The following AKAP7 variants were observed in gnomAD, a reference collection of about 807,000 sequenced individuals.
The protein encoded by AKAP7 is A-kinase anchoring protein 7.
AKAP7 carries 39 observed loss-of-function variants against 39.5 expected under a neutral mutation model. That is an observed-to-expected ratio of 0.99 (90% CI 0.76 to 1.29). The LOEUF (loss-of-function observed/expected upper bound fraction) is 1.29. Ranked by LOEUF, AKAP7 falls within the 50% of genes most tolerant of loss-of-function variation. The pLI is 0.00. For synonymous variants in AKAP7, 140 were observed against 139.1 expected, an observed-to-expected ratio of 1.01 and a Z score of -0.05; for missense variants, 414 against 407.7, an observed-to-expected ratio of 1.02 and a Z score of -0.13.
At chr6:131,213,035 T>C (rs886944636) in intron 6 of AKAP7, among the ~76,000 whole-genome samples, 2 of 152,246 alleles carry the variant, frequency 1.3e-5, no homozygotes, top group Non-Finnish European at 2.9e-5. Flanking sequence ...GGTACAGTTA[T>C]GTCTGAAGTT....
chr6:131,200,750 G>C (rs1807475191), intron 6 of AKAP7: 1 of 152,134 alleles, frequency 6.6e-6, no homozygotes, highest in Non-Finnish European at 1.5e-5. Context: ...AATAATTGGT[G>C]TAAATGATAG....
intron 3 of AKAP7, among the ~76,000 whole-genome samples, chr6:131,162,975 G>T (rs1430146312): frequency 6.6e-6 from 1 of 151,258 alleles, no homozygotes; most frequent in East Asian, 2.0e-4. Flanking sequence ...TCAAGAGTAG[G>T]TGCGCACACA....
intron 6 of AKAP7, among the ~76,000 whole-genome samples, chr6:131,218,448 G>A (rs1450833214): frequency 6.8e-6 from 1 of 147,982 alleles, no homozygotes; most frequent in East Asian, 1.9e-4. Context: ...CTTTGTGTTG[G>A]CAAGGAAAAA....
chr6:131,250,726 A>G, intron 7 of AKAP7: 1 of 1,095,090 alleles, frequency 9.1e-7, no homozygotes. Context: ...CAGACTAATC[A>G]GCTATGGTTT....
chr6:131,250,405 C>A, intron 7 of AKAP7: 1 of 1,452,656 alleles, frequency 6.9e-7, no homozygotes. Context: ...TTCCCTTCTC[C>A]TTTCTCTCCC....
rs368168422 is a variant in AKAP7 at position 131,161,878 on chromosome 6, T to C, written c.291+1680T>C. On this transcript the variant is annotated intron_variant, in intron 3 of 7. Coordinates refer to ENST00000431975, the MANE Select transcript of AKAP7 (RefSeq NM_016377.4). ...CATGAGCAGCCAGACAGAAGCCAGG[T>C]CCTAAGGACACTGAATGTCAGACAG... Among the ~76,000 whole-genome samples the C allele has an allele frequency of 9.2e-5, 14 of 152,078 alleles. No homozygotes were observed. In the South Asian group the frequency reaches 2.1e-3, roughly 23 times the overall value.
chr6:131,231,423 T>C (rs2128305918), intron 7 of AKAP7, among the ~76,000 whole-genome samples: 1 of 152,272 alleles, frequency 6.6e-6, no homozygotes, highest in South Asian at 2.1e-4. Context: ...CATCTCTACT[T>C]AGACCGATTA....
At chr6:131,161,347 T>C (rs1802925566) in intron 3 of AKAP7, among the ~76,000 whole-genome samples, 1 of 151,954 alleles carries the variant, frequency 6.6e-6, no homozygotes, top group South Asian at 2.1e-4. Context: ...GAATACTTTT[T>C]AAAAGTCCTA....
intron 7 of AKAP7, among the ~76,000 whole-genome samples, chr6:131,271,927 T>A (rs1255042257): frequency 6.6e-6 from 1 of 152,220 alleles, no homozygotes; most frequent in Non-Finnish European, 1.5e-5. Context: ...CTAAATTAAA[T>A]TACATATAGT....
intron 6 of AKAP7, chr6:131,199,842 C>G: frequency 2.5e-6 from 1 of 403,444 alleles, no homozygotes; most frequent in South Asian, 2.8e-5. Context: ...CCTGCTTCAT[C>G]CCCTGAAGAG....
At chr6:131,129,381 A>C in the AKAP7 span, among the ~76,000 whole-genome samples, 1 of 152,184 alleles carries the variant, frequency 6.6e-6, no homozygotes, top group Admixed American at 6.5e-5. Context: ...GTAAAAGACA[A>C]AAGTAGCTTA....
At chr6:131,230,010 G>T (rs115346328) in intron 7 of AKAP7, among the ~76,000 whole-genome samples, 89 of 152,276 alleles carry the variant, frequency 5.8e-4, no homozygotes, top group African/African-American at 2.1e-3. Context: ...TACCTAGGTT[G>T]ATTCCATGTC....
rs531871282 is a variant in AKAP7 at position 131,143,751 on chromosome 6, T to A, written c.20-1534T>A. ...TGTAGCCATATTCTTTTTTTTTTTT[T>A]ATTTTTTATTTTTTATTTTTTATTT... On this transcript the variant is annotated intron_variant, in intron 1 of 7. Coordinates refer to ENST00000431975, the MANE Select transcript of AKAP7 (RefSeq NM_016377.4). Among the ~76,000 whole-genome samples, 638 of 146,040 alleles carry A rather than the reference T, an allele frequency of 4.4e-3. 1 individual carries two copies. The highest frequency in any genetic ancestry group is 8.0e-3 in the Non-Finnish European group (516 of 64,780).
intron 7 of AKAP7, among the ~76,000 whole-genome samples, chr6:131,269,066 T>A (rs1466744757): frequency 6.6e-6 from 1 of 151,900 alleles, no homozygotes; most frequent in Admixed American, 6.6e-5. Context: ...ACATACTACT[T>A]TTTTTTTGGA....
intron 1 of AKAP7, among the ~76,000 whole-genome samples, chr6:131,137,086 C>G (rs1382947501): frequency 6.6e-6 from 1 of 152,126 alleles, no homozygotes; most frequent in Non-Finnish European, 1.5e-5. Flanking sequence ...TTCAGCCTCC[C>G]CAAGTAGCGG....
At chr6:131,131,074 G>A (rs1232527328), upstream of AKAP7, among the ~76,000 whole-genome samples, 1 of 152,200 alleles carries the variant, frequency 6.6e-6, no homozygotes, top group African/African-American at 2.4e-5. Context: ...AAGGGTTGTG[G>A]GAGCTGAGAG....
intron 6 of AKAP7, among the ~76,000 whole-genome samples, chr6:131,203,226 A>G (rs1277382909): frequency 6.6e-6 from 1 of 152,188 alleles, no homozygotes; most frequent in African/African-American, 2.4e-5. Flanking sequence ...TTATTTGAAA[A>G]TATATGGTTC....
chr6:131,271,432 C>A (rs943755236), intron 7 of AKAP7, among the ~76,000 whole-genome samples: 19 of 151,964 alleles, frequency 1.3e-4, no homozygotes, highest in Admixed American at 6.6e-5. Flanking sequence ...ATGCCAATAC[C>A]ACACTGTCTC....
At chr6:131,155,420 T>A (rs1266313447) in intron 2 of AKAP7, among the ~76,000 whole-genome samples, 1 of 152,220 alleles carries the variant, frequency 6.6e-6, no homozygotes, top group Non-Finnish European at 1.5e-5. Context: ...TCAGGTCTTA[T>A]TACTCTAAAG....
Sources: gnomAD v4.1 joint callset for allele counts (sites outside exome capture counted in the v4.1 genomes callset) on GRCh38, gnomAD v4.1.1 for gene constraint, MANE v1.5 for transcripts, NCBI Gene and HGNC (gene_info 2026-07-23, HGNC 2026-07-21) for gene names.